GHR: variants seen among roughly 807,000 people sequenced by gnomAD.
The protein encoded by GHR is GH receptor.
GHR carries 35 observed loss-of-function variants against 67.1 expected under a neutral mutation model. That is an observed-to-expected ratio of 0.52 (90% CI 0.40 to 0.69). GHR has a LOEUF of 0.69. Ranked by LOEUF, GHR falls within the 30% of genes least tolerant of loss-of-function variation. The pLI is 0.00. For synonymous variants in GHR, 272 were observed against 269.1 expected (o/e 1.01, Z -0.10); for missense variants, 792 against 764.6 (o/e 1.04, Z -0.42).
intron 1 of GHR, among the ~76,000 whole-genome samples, chr5:42,557,861 A>G (rs1471808003): frequency 6.6e-6 from 1 of 152,184 alleles, no homozygotes; most frequent in Non-Finnish European, 1.5e-5. Flanking sequence ...TACATTTTTT[A>G]TCAATGTTAG....
At chr5:42,684,364 G>A (rs2111618667) in intron 3 of GHR, among the ~76,000 whole-genome samples, 1 of 152,210 alleles carries the variant, frequency 6.6e-6, no homozygotes, top group African/African-American at 2.4e-5. Context: ...TCTTATTTCT[G>A]TGCAAACGAA....
At chr5:42,527,580 A>G (rs570217225) in intron 1 of GHR, among the ~76,000 whole-genome samples, 59 of 152,356 alleles carry the variant, frequency 3.9e-4, no homozygotes, top group African/African-American at 1.4e-3. Flanking sequence ...AGATACCTAC[A>G]AAGAGACATA....
chr5:42,578,223 G>A (rs1750870823), intron 2 of GHR, among the ~76,000 whole-genome samples: 1 of 152,112 alleles, frequency 6.6e-6, no homozygotes, highest in African/African-American at 2.4e-5. Flanking sequence ...TTCTCTAGGG[G>A]TCAAAATGGC....
chr5:42,649,362 T>C (rs563848758), intron 3 of GHR, among the ~76,000 whole-genome samples: 102 of 152,284 alleles, frequency 6.7e-4, no homozygotes, highest in Non-Finnish European at 1.3e-3. Context: ...TTAAAGAGGT[T>C]CTAATTAGGA....
At chr5:42,665,099 C>CA (rs1467542022) in intron 3 of GHR, among the ~76,000 whole-genome samples, 1 of 152,194 alleles carries the variant, frequency 6.6e-6, no homozygotes, top group African/African-American at 2.4e-5. Context: ...CAGGAAACAA[C>CA]AGGTGCTGGA....
At chr5:42,477,771 T>C (rs1745407820) in intron 1 of GHR, among the ~76,000 whole-genome samples, 1 of 152,242 alleles carries the variant, frequency 6.6e-6, no homozygotes, top group African/African-American at 2.4e-5. Context: ...TCATTGTAGA[T>C]TCTGCATATT....
chr5:42,429,333 T>C (rs932763008), intron 1 of GHR, among the ~76,000 whole-genome samples: 1 of 152,170 alleles, frequency 6.6e-6, no homozygotes, highest in Non-Finnish European at 1.5e-5. Flanking sequence ...TCCCACTGGG[T>C]TCCTCCCATG....
At chr5:42,577,504 C>T (rs35588630) in intron 2 of GHR, among the ~76,000 whole-genome samples, 5,402 of 152,226 alleles carry the variant, frequency 0.035, 328 homozygotes, top group African/African-American at 0.12. Flanking sequence ...GTGTACATGA[C>T]TGCAGAGCCA....
At chr5:42,580,139 T>G (rs527465480) in intron 2 of GHR, among the ~76,000 whole-genome samples, 2 of 152,292 alleles carry the variant, frequency 1.3e-5, no homozygotes, top group African/African-American at 4.8e-5. Context: ...ATGTCTTATA[T>G]CTGGGTTGAT....
At chr5:42,680,373 T>C (rs934810382) in intron 3 of GHR, among the ~76,000 whole-genome samples, 2 of 152,220 alleles carry the variant, frequency 1.3e-5, no homozygotes, top group Non-Finnish European at 2.9e-5. Flanking sequence ...TGACTGCATA[T>C]GCAGATTGCT....
At chr5:42,599,117 A>C (rs1178064803) in intron 2 of GHR, among the ~76,000 whole-genome samples, 1 of 152,222 alleles carries the variant, frequency 6.6e-6, no homozygotes, top group Non-Finnish European at 1.5e-5. Flanking sequence ...TGCTAGTAGC[A>C]GTGGATGAAG....
Position 42,468,809 on chromosome 5 carries a change from A to G in GHR, c.-12+44854A>G, listed in dbSNP as rs149163313. 13 of 1,045,168 alleles carry G rather than the reference A, an allele frequency of 1.2e-5. No homozygotes were observed. The East Asian group carries it at 3.4e-4, about 27-fold the overall frequency. 64.7% of individuals were successfully genotyped at this position (1,045,168 alleles called of 1,614,324 possible). A position where few individuals can be genotyped will look rare whatever the true frequency, so the allele number is the denominator to read the frequency against. ...AAGGGGTCCGATTAGTTGTCAAATA[A>G]CTGGTCGAATCGGTTGGTGACCAGG... On this transcript the variant is annotated intron_variant, in intron 1 of 9. Coordinates refer to ENST00000230882, the MANE Select transcript of GHR (RefSeq NM_000163.5).
chr5:42,469,354 C>G (rs2972413), intron 1 of GHR, among the ~76,000 whole-genome samples: 5 of 152,004 alleles, frequency 3.3e-5, no homozygotes, highest in Admixed American at 2.6e-4. Context: ...ATACAAGAGA[C>G]AGTATAATTA....
At chr5:42,469,815 C>T (rs1744916294) in intron 1 of GHR, among the ~76,000 whole-genome samples, 2 of 152,110 alleles carry the variant, frequency 1.3e-5, no homozygotes, top group Non-Finnish European at 2.9e-5. Flanking sequence ...TGGGCTGTTG[C>T]TTTATTTTCT....
At chr5:42,481,200 A>G (rs1745617297) in intron 1 of GHR, among the ~76,000 whole-genome samples, 1 of 152,176 alleles carries the variant, frequency 6.6e-6, no homozygotes, top group South Asian at 2.1e-4. Context: ...TTCTTTAAGA[A>G]TGTTGAATAT....
intron 1 of GHR, among the ~76,000 whole-genome samples, chr5:42,477,163 G>A (rs1457107387): frequency 1.3e-5 from 2 of 151,616 alleles, no homozygotes; most frequent in East Asian, 1.9e-4. Context: ...ATACTTTGCT[G>A]AGAATGATGG....
At chr5:42,606,025 C>A (rs1054350403) in intron 2 of GHR, among the ~76,000 whole-genome samples, 1 of 152,174 alleles carries the variant, frequency 6.6e-6, no homozygotes, top group East Asian at 1.9e-4. Flanking sequence ...AAAACCACTT[C>A]TTTGTTCCTT....
At chr5:42,614,899 C>T (rs1473269291) in intron 2 of GHR, among the ~76,000 whole-genome samples, 2 of 151,754 alleles carry the variant, frequency 1.3e-5, no homozygotes, top group African/African-American at 4.8e-5. Context: ...AGAGTTAAGA[C>T]CCAAGGAGAA....
At chr5:42,607,430 T>C (rs963796561) in intron 2 of GHR, among the ~76,000 whole-genome samples, 1 of 152,174 alleles carries the variant, frequency 6.6e-6, no homozygotes, top group African/African-American at 2.4e-5. Flanking sequence ...TGGTGTGAAT[T>C]AACCAATTTC....
Sources: gnomAD v4.1 joint callset for allele counts (sites outside exome capture counted in the v4.1 genomes callset) on GRCh38, gnomAD v4.1.1 for gene constraint, MANE v1.5 for transcripts, NCBI Gene and HGNC (gene_info 2026-07-23, HGNC 2026-07-21) for gene names.